The following FRMPD4 variants were observed in gnomAD, a reference collection of about 807,000 sequenced individuals.
FRMPD4 encodes FERM and PDZ domain containing 4.
FRMPD4 carries 22 observed loss-of-function variants against 94.1 expected under a neutral mutation model. The observed-to-expected ratio is 0.23, with a 90% CI of 0.17 to 0.33. FRMPD4 has a LOEUF of 0.33. Ranked by LOEUF, FRMPD4 falls within the 10% of genes least tolerant of loss-of-function variation. The probability of loss-of-function intolerance (pLI) is 1.00; values close to 1 mark genes in which losing one functional copy is unlikely to be tolerated. For synonymous variants in FRMPD4, 631 were observed against 548.6 expected (o/e 1.15, Z -2.10); for missense variants, 1,111 against 1,339.9 (o/e 0.83, Z 2.67).
intron 1 of FRMPD4, among the ~76,000 whole-genome samples, chrX:11,863,521 A>G (rs1029231901): frequency 9.0e-6 from 1 of 111,252 alleles, no homozygotes; most frequent in African/African-American, 3.3e-5. Flanking sequence ...CCCCTAGGCT[A>G]CCCTGGATGT....
intron 1 of FRMPD4, among the ~76,000 whole-genome samples, chrX:11,863,638 T>TC (rs2053701341): frequency 8.9e-6 from 1 of 111,986 alleles, no homozygotes; most frequent in Admixed American, 9.5e-5. Context: ...ATATTATGTA[T>TC]GAAAAAAACA....
At chrX:12,029,359 G>A (rs188088073) in intron 3 of FRMPD4, among the ~76,000 whole-genome samples, 1 of 112,133 alleles carries the variant, frequency 8.9e-6, no homozygotes, top group East Asian at 2.8e-4. Context: ...GTATATTTCG[G>A]ATAGCAGTCC....
rs570767810 is a variant in FRMPD4, at chrX:12,077,651, T to G, written c.95+199633T>G. On this transcript the variant is annotated intron_variant, in intron 3 of 18. Transcript: ENST00000640291. ...TCTAGAGGCTTTCCAGACTTCTGTTTGTTGACACCGTGTGGAATTTTCTAT... is the reference window on the plus strand; with the variant it reads ...TCTAGAGGCTTTCCAGACTTCTGTTGGTTGACACCGTGTGGAATTTTCTAT... 7.2e-5 allele frequency among the ~76,000 whole-genome samples: 8 copies of G among 111,608 alleles called. No individual in the cohort carries two copies. The East Asian group carries it at 1.4e-3, about 20-fold the overall frequency.
intron 3 of FRMPD4, among the ~76,000 whole-genome samples, chrX:12,094,234 A>G (rs1466791869): frequency 8.9e-6 from 1 of 111,956 alleles, no homozygotes; most frequent in Non-Finnish European, 1.9e-5. Context: ...CTTGTTCTTG[A>G]CTTTTTTGTT....
chrX:12,076,177 C>A (rs776803305), intron 3 of FRMPD4, among the ~76,000 whole-genome samples: 3 of 111,543 alleles, frequency 2.7e-5, no homozygotes, highest in Non-Finnish European at 3.8e-5. Context: ...ATGAATAAAG[C>A]ATTTGGTTCT....
intron 1 of FRMPD4, among the ~76,000 whole-genome samples, chrX:11,854,860 A>G (rs936783381): frequency 9.0e-6 from 1 of 111,565 alleles, no homozygotes; most frequent in Admixed American, 9.4e-5. Flanking sequence ...GCTGGGGTCT[A>G]CAGGACGATG....
chrX:12,021,598 C>T (rs1043402564), intron 3 of FRMPD4, among the ~76,000 whole-genome samples: 1 of 111,542 alleles, frequency 9.0e-6, no homozygotes, highest in South Asian at 3.8e-4. Flanking sequence ...GCCTCCCCTG[C>T]CTGCTTCTAT....
chrX:12,668,067 C>A (rs1248505323), intron 4 of FRMPD4, among the ~76,000 whole-genome samples: 1 of 111,886 alleles, frequency 8.9e-6, no homozygotes, highest in Non-Finnish European at 1.9e-5. Context: ...TGTTTTAGGC[C>A]ATCCCAGAAA....
At chrX:12,352,575 T>C (rs1294301409) in intron 1 of FRMPD4, among the ~76,000 whole-genome samples, 1 of 112,695 alleles carries the variant, frequency 8.9e-6, no homozygotes, top group Non-Finnish European at 1.9e-5. Flanking sequence ...TTAGTTAATG[T>C]ATCTTTTTCA....
chrX:12,448,230 C>A lies in FRMPD4; in HGVS notation c.42-50450C>A, dbSNP rs746346726. ...TCCTATTTCTGATAAATGAAATGAT[C>A]TATGCATTTGTTAGAATTTTGTCCT... On this transcript the variant is annotated intron_variant, in intron 1 of 16. Coordinates refer to ENST00000675598, the MANE Select transcript of FRMPD4 (RefSeq NM_001368397.1). Among the ~76,000 whole-genome samples, 6 of 111,985 alleles carry A rather than the reference C, an allele frequency of 5.4e-5. No individual in the cohort carries two copies. The East Asian group carries it at 1.1e-3, about 21-fold the overall frequency.
intron 3 of FRMPD4, among the ~76,000 whole-genome samples, chrX:12,118,419 G>C (rs1764282604): frequency 8.9e-6 from 1 of 112,458 alleles, no homozygotes; most frequent in African/African-American, 3.2e-5. Flanking sequence ...TTAAAAAAAT[G>C]AAAGTCCGCA....
At chrX:12,615,023 C>A in intron 4 of FRMPD4, 142 bp downstream of exon 4, 1 of 347,624 alleles carries the variant, frequency 2.9e-6, no homozygotes, top group Non-Finnish European at 5.1e-6. Context: ...GTTGAAAATG[C>A]TGCTGACACT....
At chrX:12,104,514 A>G (rs1336076573) in intron 3 of FRMPD4, among the ~76,000 whole-genome samples, 2 of 112,793 alleles carry the variant, frequency 1.8e-5, no homozygotes, top group Middle Eastern at 4.6e-3. Flanking sequence ...CTATCATTAT[A>G]TAATGTATGT....
intron 2 of FRMPD4, among the ~76,000 whole-genome samples, chrX:11,874,245 G>C (rs890460983): frequency 1.8e-5 from 2 of 112,091 alleles, no homozygotes; most frequent in East Asian, 5.6e-4. Context: ...TCACCTCCAA[G>C]GCTCAGGCGA....
At chrX:11,840,573 C>A (rs2053528550) in intron 1 of FRMPD4, among the ~76,000 whole-genome samples, 1 of 109,414 alleles carries the variant, frequency 9.1e-6, no homozygotes, top group Non-Finnish European at 1.9e-5. Context: ...CAACTAGAAC[C>A]TGCAGTACAA....
intron 1 of FRMPD4, among the ~76,000 whole-genome samples, chrX:12,439,709 T>C (rs1297412885): frequency 3.6e-5 from 4 of 112,064 alleles, no homozygotes; most frequent in African/African-American, 1.3e-4. Flanking sequence ...GTGACTTAGA[T>C]TGTATGAGGG....
chrX:12,104,048 C>T (rs779682873), intron 3 of FRMPD4, among the ~76,000 whole-genome samples: 2 of 112,043 alleles, frequency 1.8e-5, no homozygotes, highest in East Asian at 5.6e-4. Flanking sequence ...CATCCCATGG[C>T]AGAAGTCATT....
In FRMPD4 at chrX:12,718,765, G is replaced by A; in HGVS notation, c.3939G>A (p.Arg1313=). The A allele has an allele frequency of 9.2e-6, 11 of 1,199,470 alleles. No individual in the cohort carries two copies. Among genetic ancestry groups the A allele is most frequent in the Non-Finnish European group, 1.2e-5 (11 of 884,861 alleles). ...LFGTLRDGCH[R]LPKIKETTAL... is the part of the protein sequence containing the mutation. Reference sequence around the variant, plus strand: ...GCACATTGAGAGATGGATGCCATCGGCTCCCCAAGATTAAGGAAACCACAG... The same window carrying A: ...GCACATTGAGAGATGGATGCCATCGACTCCCCAAGATTAAGGAAACCACAG... The change falls in exon 16 of 17, where the codon CGG becomes CGA. Residue 1313 remains arginine (R), a synonymous_variant. Transcript: ENST00000675598.
At chrX:12,443,198 C>T (rs912346824) in intron 1 of FRMPD4, among the ~76,000 whole-genome samples, 3 of 111,286 alleles carry the variant, frequency 2.7e-5, no homozygotes, top group Admixed American at 9.5e-5. Flanking sequence ...TAAAAATCAG[C>T]GAGTTGTACA....
Sources: allele counts gnomAD v4.1 joint callset (sites outside exome capture counted in the v4.1 genomes callset), GRCh38; gene constraint gnomAD v4.1.1; transcripts MANE v1.5; gene names NCBI Gene and HGNC (gene_info 2026-07-23, HGNC 2026-07-21).